Variants in BAZ2B observed in about 807,000 individuals in gnomAD.
BAZ2B encodes the protein bromodomain adjacent to zinc finger domain protein 2B.
In BAZ2B, 91 loss-of-function variants were observed where a neutral mutation model predicts 246.0. The ratio of observed to expected loss-of-function variants is 0.37; its 90% CI spans 0.31 to 0.44. BAZ2B has a LOEUF of 0.44. BAZ2B is among the 20% of genes least tolerant of loss of function. The pLI is 1.00. For synonymous variants in BAZ2B, 855 were observed against 860.0 expected (o/e 0.99, Z 0.10); for missense variants, 2,332 against 2,533.7 (o/e 0.92, Z 1.71).
chr2:159,382,707 G>A lies in BAZ2B; in HGVS notation c.3857C>T (p.Pro1286Leu). 2 of 1,613,338 alleles carry A rather than the reference G, an allele frequency of 1.2e-6. No individual in the cohort carries two copies. Among genetic ancestry groups the A allele is most frequent in the Non-Finnish European group, 8.5e-7 (1 of 1,179,758 alleles). Residue 1286 changes from proline (P) to leucine (L), a missense_variant, in exon 25 of 37, where the codon CCA (proline) becomes CTA (leucine). Physicochemically the swap from Pro to Leu is moderately conservative, Grantham distance 98. Transcript: ENST00000392783. The part of the protein sequence containing the change: ...EEQHPLGTPT[P>L]GRKRRRKGGD... ...TCCCTTCCTTCTTCGCTTGCGTCCT[G>A]GAGTGGGTGTGCCCAAGGGATGCTG...
rs1448954352 is a variant in BAZ2B, at chr2:159,501,229, T to C, written c.-2-22508A>G. Among the ~76,000 whole-genome samples, 17 of 115,154 alleles carry C rather than the reference T, an allele frequency of 1.5e-4. 1 individual carries two copies. Among genetic ancestry groups the C allele is most frequent in the African/African-American group, 5.6e-4 (17 of 30,586 alleles). 75.5% of individuals were successfully genotyped at this position (115,154 alleles called of 152,430 possible). On this transcript the variant is annotated intron_variant, in intron 2 of 36. Transcript: ENST00000392783. ...TTTATATATATTATATATATATTTA[T>C]ATATATATATATAAAGTAGCTGAGC...
chr2:159,642,716 ATGTTTTATCTT>A, the BAZ2B span, among the ~76,000 whole-genome samples: 1 of 152,210 alleles, frequency 6.6e-6, no homozygotes, highest in Non-Finnish European at 1.5e-5. Context: ...GAGAATTAAA[ATGTTTTATCTT>A]TGTTAAAAAT....
chr2:159,536,697 A>C (rs1265196812), intron 2 of BAZ2B, among the ~76,000 whole-genome samples: 1 of 152,242 alleles, frequency 6.6e-6, no homozygotes, highest in Non-Finnish European at 1.5e-5. Context: ...AACTGCTCAA[A>C]GTTTTTACAT....
At chr2:159,521,944 T>TG (rs1223940459) in intron 2 of BAZ2B, among the ~76,000 whole-genome samples, 2 of 152,002 alleles carry the variant, frequency 1.3e-5, no homozygotes, top group African/African-American at 4.8e-5. Flanking sequence ...TAAATACATT[T>TG]TAAAGTCACT....
intron 2 of BAZ2B, among the ~76,000 whole-genome samples, chr2:159,507,158 G>A (rs10205689): frequency 0.28 from 41,883 of 152,008 alleles, 5,895 homozygotes; most frequent in South Asian, 0.35. Flanking sequence ...TTAGATGGTC[G>A]TCAAAGAGAG....
In BAZ2B at chr2:159,398,993, G is replaced by A. The variant is rs1012549820; in HGVS notation, c.2899-99C>T. Reference sequence around the variant, plus strand: ...TGAAGCTACATGTCTCACAAGGTACGAAACAGTATGTAACACATATGTAGA... The same window carrying A: ...TGAAGCTACATGTCTCACAAGGTACAAAACAGTATGTAACACATATGTAGA... On this transcript the variant is annotated intron_variant, in intron 17 of 36. Coordinates refer to ENST00000392783, the MANE Select transcript of BAZ2B (RefSeq NM_013450.4). The A allele has an allele frequency of 1.4e-5, 15 of 1,066,298 alleles. No individual in the cohort carries two copies. The Admixed American group carries it at 2.4e-4, about 17-fold the overall frequency. The allele number at this position is 1,066,298 out of a possible 1,614,324, so 66.1% of individuals were successfully genotyped here.
intron 27 of BAZ2B, among the ~76,000 whole-genome samples, chr2:159,352,426 C>G (rs1284830982): frequency 6.6e-6 from 1 of 151,864 alleles, no homozygotes; most frequent in Non-Finnish European, 1.5e-5. Flanking sequence ...ATTACCTTCC[C>G]TCCCACGTAC....
chr2:159,443,796 T>G (rs1341899814), intron 6 of BAZ2B, among the ~76,000 whole-genome samples: 1 of 152,148 alleles, frequency 6.6e-6, no homozygotes, highest in East Asian at 1.9e-4. Flanking sequence ...CAGTATGTTC[T>G]CCTAGTAACA....
rs531514835 is a variant in BAZ2B at position 159,332,426 on chromosome 2, G to A, written c.5943+114C>T. 111 of 1,041,680 alleles carry A rather than the reference G, an allele frequency of 1.1e-4. No individual in the cohort carries two copies. The African/African-American group carries it at 1.2e-3, about 11-fold the overall frequency. The allele number at this position is 1,041,680 out of a possible 1,614,324, so 64.5% of individuals were successfully genotyped here. On this transcript the variant is annotated intron_variant, in intron 34 of 36. Transcript: ENST00000392783. ...AGCTTGAGCCCAGGAGTTTTAGGCT[G>A]TAGTGGGCTATGATCATACCACTGC...
chr2:159,571,873 C>T (rs953543076), intron 1 of BAZ2B, among the ~76,000 whole-genome samples: 4 of 152,176 alleles, frequency 2.6e-5, no homozygotes, highest in Non-Finnish European at 5.9e-5. Flanking sequence ...ATAACAAACC[C>T]ACTTCCCAGG....
chr2:159,550,961 G>A (rs940512334), intron 2 of BAZ2B, among the ~76,000 whole-genome samples: 17 of 151,974 alleles, frequency 1.1e-4, no homozygotes, highest in African/African-American at 1.9e-4. Context: ...TCAGCTTCCC[G>A]AGTAGCTGGG....
chr2:159,628,893 T>C, the BAZ2B span, among the ~76,000 whole-genome samples: 5 of 152,100 alleles, frequency 3.3e-5, no homozygotes, highest in Non-Finnish European at 7.4e-5. Context: ...ACCTACAGAA[T>C]GGGAGAAAAT....
chr2:159,625,901 C>T, the BAZ2B span, among the ~76,000 whole-genome samples: 1 of 151,954 alleles, frequency 6.6e-6, no homozygotes, highest in Non-Finnish European at 1.5e-5. Flanking sequence ...AGAGTCAAGA[C>T]CCATTGGTGT....
chr2:159,372,894 G>A (rs2061006627), intron 27 of BAZ2B, 151 bp downstream of exon 27: 1 of 808,210 alleles, frequency 1.2e-6, no homozygotes, highest in Non-Finnish European at 1.9e-6. Flanking sequence ...ATCAGTGAAG[G>A]GGCATTATGA....
chr2:159,380,985 G>C (rs2061935807), intron 25 of BAZ2B, among the ~76,000 whole-genome samples: 1 of 152,130 alleles, frequency 6.6e-6, no homozygotes, highest in Non-Finnish European at 1.5e-5. Flanking sequence ...TCATCCTAGT[G>C]AATCACTGAA....
intron 13 of BAZ2B, among the ~76,000 whole-genome samples, chr2:159,426,058 C>T (rs950602208): frequency 1.3e-5 from 2 of 152,140 alleles, no homozygotes; most frequent in African/African-American, 4.8e-5. Context: ...CTCAAAATTA[C>T]GAATGTTTTC....
chr2:159,676,996 T>TA, the BAZ2B span, among the ~76,000 whole-genome samples: 7 of 119,200 alleles, frequency 5.9e-5, no homozygotes, highest in Non-Finnish European at 1.1e-4. Context: ...ATATATATAT[T>TA]ACAATTTTTA....
chr2:159,632,598 T>C, the BAZ2B span, among the ~76,000 whole-genome samples: 1 of 152,312 alleles, frequency 6.6e-6, no homozygotes, highest in Non-Finnish European at 1.5e-5. Flanking sequence ...CTGTGATAAG[T>C]GATGTCATGT....
intron 33 of BAZ2B, among the ~76,000 whole-genome samples, chr2:159,335,011 T>C (rs2065386417): frequency 6.6e-6 from 1 of 152,090 alleles, no homozygotes; most frequent in Admixed American, 6.5e-5. Flanking sequence ...ACTCTTGGGC[T>C]CAAATGATCC....
Sources: allele counts gnomAD v4.1 joint callset (sites outside exome capture counted in the v4.1 genomes callset), GRCh38; gene constraint gnomAD v4.1.1; transcripts MANE v1.5; gene names NCBI Gene and HGNC (gene_info 2026-07-23, HGNC 2026-07-21).